Variants in SNX4 observed in about 807,000 individuals in gnomAD.
SNX4 encodes sorting nexin 4, also known as sorting nexin-4.
SNX4 carries 49 observed loss-of-function variants against 70.8 expected under a neutral mutation model. That is an observed-to-expected ratio of 0.69 (90% CI 0.55 to 0.88). The LOEUF (loss-of-function observed/expected upper bound fraction) is 0.88, where lower values mean the gene tolerates loss of function less well. Ranked by LOEUF, SNX4 falls within the 40% of genes least tolerant of loss-of-function variation. The pLI is 0.00. For synonymous variants in SNX4, 206 were observed against 183.8 expected (o/e 1.12, Z -0.98); for missense variants, 528 against 544.8 (o/e 0.97, Z 0.31).
chr3:125,510,187 T>C (rs1390870204), intron 1 of SNX4, among the ~76,000 whole-genome samples: 2 of 151,824 alleles, frequency 1.3e-5, no homozygotes, highest in East Asian at 1.9e-4. Flanking sequence ...TCATTCACAA[T>C]AGGTAAAACA....
chr3:125,498,111 T>C lies in SNX4; in HGVS notation c.347A>G (p.Tyr116Cys), dbSNP rs781436935. The C allele has an allele frequency of 6.2e-7, 1 of 1,614,104 alleles. No homozygotes were observed. The change falls in exon 3 of 14, where the codon TAC (tyrosine) becomes TGC (cysteine). Residue 116 changes from tyrosine to cysteine, a missense_variant. Transcript: ENST00000251775. ...RYSEFELLRS[Y>C]LLVYYPHIVV... ...AATATGTGGATAGTAAACTAAAAGGTAGCTTCTCAACAACTCAAATTCACT... is the reference window on the plus strand; with the variant it reads ...AATATGTGGATAGTAAACTAAAAGGCAGCTTCTCAACAACTCAAATTCACT...
chr3:125,481,573 C>T (rs1264746150), intron 6 of SNX4, among the ~76,000 whole-genome samples: 2 of 151,974 alleles, frequency 1.3e-5, no homozygotes, highest in Non-Finnish European at 2.9e-5. Flanking sequence ...CTTAGCCTCC[C>T]GAGTATCTGG....
chr3:125,452,073 ACT>A (rs1017820203), intron 12 of SNX4, among the ~76,000 whole-genome samples: 2 of 150,364 alleles, frequency 1.3e-5, no homozygotes, highest in Non-Finnish European at 3.0e-5. Context: ...GAAAATATAC[ACT>A]CTTTTGACAA....
intron 1 of SNX4, among the ~76,000 whole-genome samples, chr3:125,519,364 G>C (rs2107578458): frequency 6.6e-6 from 1 of 152,212 alleles, no homozygotes; most frequent in South Asian, 2.1e-4. Flanking sequence ...AAAAGTACAT[G>C]GGTTATCAAT....
intron 9 of SNX4, among the ~76,000 whole-genome samples, chr3:125,466,895 C>T (rs938644510): frequency 7.2e-5 from 11 of 151,872 alleles, no homozygotes; most frequent in African/African-American, 2.7e-4. Context: ...CCAGCCTGGC[C>T]AATATGGCAA....
rs1417341185 is a variant in SNX4, at chr3:125,451,306, T to A, written c.1304A>T (p.Lys435Met). The A allele has an allele frequency of 6.2e-7, 1 of 1,606,724 alleles. No individual in the cohort carries two copies. The highest frequency in any genetic ancestry group is 8.5e-7 in the Non-Finnish European group (1 of 1,174,280). Residue 435 changes from lysine (K) to methionine (M), a missense_variant and splice_region_variant, in exon 13 of 14, where the codon AAG (lysine) becomes ATG (methionine). Around this residue, in one of 3 missense-constraint regions of SNX4, gnomAD observed 159 missense variants for 172.6 expected, o/e 0.92. Transcript: ENST00000251775. ...YAVMQISMCK[K>M]GIQVWTNAKE... ...TCACTGAAACAGGAAAAACCCTACCTTTTTGCACATACTGATCTGCATGAC... is the reference window on the plus strand; with the variant it reads ...TCACTGAAACAGGAAAAACCCTACCATTTTGCACATACTGATCTGCATGAC...
In SNX4 at chr3:125,504,736, G is replaced by A. The variant is rs1467541641; in HGVS notation, c.150C>T (p.His50=). 6.2e-7 allele frequency: 1 copy of A among 1,613,064 alleles called. No individual in the cohort carries two copies. Among genetic ancestry groups the A allele is most frequent in the East Asian group, 2.2e-5 (1 of 44,842 alleles). ...EESSGVDTMT[H]NNFWLKKIEI... is the part of the protein sequence containing the mutation. ...CTATCTTCTTCAACCAAAAATTATT[G>A]TGTGTCATCTGGACAAAAGTAAATA... is the stretch of plus-strand genomic sequence containing the variant. The change falls in exon 2 of 14, where the codon CAC becomes CAT. Residue 50 remains histidine, a synonymous_variant. Transcript: ENST00000251775.
At chr3:125,465,765 C>A (rs1012543541) in intron 9 of SNX4, among the ~76,000 whole-genome samples, 2 of 152,148 alleles carry the variant, frequency 1.3e-5, no homozygotes, top group Admixed American at 6.5e-5. Flanking sequence ...GCCTCAGCCT[C>A]CCAAGTGGCT....
chr3:125,464,882 C>A (rs1579979768), intron 9 of SNX4, among the ~76,000 whole-genome samples: 2 of 151,690 alleles, frequency 1.3e-5, no homozygotes, highest in African/African-American at 4.8e-5. Context: ...GTAGCTGGGA[C>A]TACAGGTGCA....
chr3:125,468,761 T>C (rs1374518577), intron 9 of SNX4, among the ~76,000 whole-genome samples: 1 of 151,064 alleles, frequency 6.6e-6, no homozygotes. Flanking sequence ...AGGTGGAAGG[T>C]GTGCTTGAGC....
intron 5 of SNX4, among the ~76,000 whole-genome samples, chr3:125,496,161 G>A (rs951098891): frequency 5.3e-5 from 8 of 152,128 alleles, no homozygotes; most frequent in African/African-American, 1.9e-4. Flanking sequence ...AGGTATGGTG[G>A]CACGCGCCTG....
intron 11 of SNX4, 61 bp downstream of exon 11, chr3:125,457,205 G>T: frequency 8.6e-7 from 1 of 1,167,704 alleles, no homozygotes; most frequent in Non-Finnish European, 1.3e-6. Flanking sequence ...CAGAGTGAGT[G>T]CTTGTGAGGA....
At position 125,468,070 on chromosome 3, in the gene SNX4, T is replaced by A. The variant is rs72977730; in HGVS notation, c.854+1384A>T. On this transcript the variant is annotated intron_variant, in intron 9 of 13. Coordinates refer to ENST00000251775, the MANE Select transcript of SNX4 (RefSeq NM_003794.4). The stretch of plus-strand genomic sequence containing the variant: ...AATACTACACAGCCATGTAAGAGAA[T>A]AGATGCAGCAATAAGGATGCAGCAA... Among the ~76,000 whole-genome samples, 1,095 of 152,132 alleles carry A rather than the reference T, an allele frequency of 7.2e-3. 7 individuals carry two copies. The highest frequency in any genetic ancestry group is 0.021 in the African/African-American group (889 of 41,422).
At chr3:125,457,507 G>T in intron 10 of SNX4, 142 bp from the exon 11 acceptor site, 1 of 568,254 alleles carries the variant, frequency 1.8e-6, no homozygotes. Flanking sequence ...AAATGTAGTA[G>T]CCCAACATTA....
At chr3:125,488,688 G>C (rs13316387) in intron 6 of SNX4, among the ~76,000 whole-genome samples, 18,721 of 152,088 alleles carry the variant, frequency 0.12, 1,220 homozygotes, top group South Asian at 0.16. Flanking sequence ...ACACAATGTA[G>C]AAATTAGTGC....
At chr3:125,480,382 G>T (rs775742135) in intron 6 of SNX4, 63 bp from the exon 7 acceptor site, 2 of 1,039,774 alleles carry the variant, frequency 1.9e-6, no homozygotes, top group Non-Finnish European at 2.7e-6. Flanking sequence ...AAAACTGAAA[G>T]AAAAAAACAG....
chr3:125,519,949 G>GGCCCCCCC, intron 1 of SNX4, 83 bp downstream of exon 1: 1 of 1,049,134 alleles, frequency 9.5e-7, no homozygotes. Context: ...GCCCGGCCCG[G>GGCCCCCCC]CCCAGCCCAG....
At chr3:125,450,698 G>GA (rs1164213190) in intron 13 of SNX4, among the ~76,000 whole-genome samples, 3 of 152,278 alleles carry the variant, frequency 2.0e-5, no homozygotes, top group African/African-American at 7.2e-5. Flanking sequence ...ATTTTAACTA[G>GA]AATAAGCTTC....
intron 7 of SNX4, among the ~76,000 whole-genome samples, chr3:125,478,823 C>A (rs1028236675): frequency 6.6e-6 from 1 of 152,124 alleles, no homozygotes; most frequent in Admixed American, 6.5e-5. Flanking sequence ...GCACCTCCCA[C>A]GAGAACTATT....
Sources: gnomAD v4.1 joint callset for allele counts (sites outside exome capture counted in the v4.1 genomes callset) on GRCh38, gnomAD v4.1.1 for gene constraint, gnomAD v4.1.1 regional missense constraint, MANE v1.5 for transcripts, NCBI Gene and HGNC (gene_info 2026-07-23, HGNC 2026-07-21) for gene names.